GYPC: variants seen among roughly 807,000 people sequenced by gnomAD.
GYPC encodes the protein glycophorin-C.
Under a neutral mutation model 12.6 loss-of-function variants are expected in GYPC, and 14 were observed. That is an observed-to-expected ratio of 1.11 (90% CI 0.74 to 1.74). The LOEUF (loss-of-function observed/expected upper bound fraction) is 1.74. Ranked by LOEUF, GYPC falls within the 40% of genes most tolerant of loss-of-function variation. GYPC has a pLI of 0.00. For missense variants in GYPC, 225 were observed against 172.1 expected (o/e 1.31, Z -1.72); for synonymous variants, 78 against 62.1 (o/e 1.26, Z -1.20).
intron 1 of GYPC, chr2:126,686,320 A>G: frequency 1.0e-6 from 1 of 985,748 alleles, no homozygotes; most frequent in Non-Finnish European, 1.2e-6. Context: ...ACTGAAGCAG[A>G]GAGCACTGCC....
intron 1 of GYPC, among the ~76,000 whole-genome samples, chr2:126,676,947 A>G (rs943672106): frequency 5.9e-5 from 9 of 152,168 alleles, no homozygotes; most frequent in African/African-American, 1.9e-4. Flanking sequence ...TTGGAGGACA[A>G]AGGAGGGTTC....
At chr2:126,684,288 A>C (rs1004887529) in intron 1 of GYPC, among the ~76,000 whole-genome samples, 1 of 152,232 alleles carries the variant, frequency 6.6e-6, no homozygotes, top group African/African-American at 2.4e-5. Context: ...ACGAATGCAC[A>C]TGTGCTTTAT....
chr2:126,670,972 G>A (rs1307484108), intron 1 of GYPC, among the ~76,000 whole-genome samples: 5 of 152,146 alleles, frequency 3.3e-5, no homozygotes, highest in African/African-American at 1.2e-4. Context: ...ATAGACTCCT[G>A]ACTTTAACCA....
intron 1 of GYPC, among the ~76,000 whole-genome samples, chr2:126,659,749 A>ATAGGCATTT (rs1327516344): frequency 6.6e-6 from 1 of 150,472 alleles, no homozygotes; most frequent in Non-Finnish European, 1.5e-5. Context: ...ACCTGCTATG[A>ATAGGCATTT]TAGGCATTTT....
chr2:126,694,959 G>A (rs1369692388), intron 3 of GYPC, among the ~76,000 whole-genome samples: 5 of 152,086 alleles, frequency 3.3e-5, no homozygotes, highest in African/African-American at 1.2e-4. Context: ...AGTCCCAGCA[G>A]AAGTGAGGGG....
chr2:126,658,803 C>T (rs1682443948), intron 1 of GYPC: 1 of 152,058 alleles, frequency 6.6e-6, no homozygotes, highest in Admixed American at 6.6e-5. Flanking sequence ...ATCAGAATAT[C>T]TCTTAAAGGT....
chr2:126,665,879 C>T (rs1430003906), intron 1 of GYPC, among the ~76,000 whole-genome samples: 1 of 152,190 alleles, frequency 6.6e-6, no homozygotes, highest in African/African-American at 2.4e-5. Flanking sequence ...CCAGTGCTTC[C>T]CTGTGCATCA....
Position 126,696,202 on chromosome 2 carries a change from C to G in GYPC, c.*60C>G. On this transcript the variant is annotated 3_prime_UTR_variant, in exon 4 of 4. Coordinates refer to ENST00000259254, the MANE Select transcript of GYPC (RefSeq NM_002101.5). ...CCATCTCCATCAGGAAAAATACACC[C>G]CATCGCCCAGCACCCCTGCTGATAC... 1 of 1,240,062 alleles carries G rather than the reference C, an allele frequency of 8.1e-7. No homozygotes were observed. The highest frequency in any genetic ancestry group is 1.2e-5 in the South Asian group (1 of 81,016). The allele number at this position is 1,240,062 out of a possible 1,614,324, so 76.8% of individuals were successfully genotyped here. A position where few individuals can be genotyped will look rare whatever the true frequency, so the allele number is the denominator to read the frequency against.
intron 1 of GYPC, among the ~76,000 whole-genome samples, chr2:126,687,156 G>C (rs1039722068): frequency 6.6e-6 from 1 of 152,216 alleles, no homozygotes; most frequent in Non-Finnish European, 1.5e-5. Flanking sequence ...ACACTGGGGA[G>C]AAAGCTGAGA....
chr2:126,664,570 C>A (rs996784336), intron 1 of GYPC, among the ~76,000 whole-genome samples: 1 of 152,172 alleles, frequency 6.6e-6, no homozygotes, highest in African/African-American at 2.4e-5. Context: ...AGGAAATGAA[C>A]CTCTAAGATC....
rs890862043 is a variant in GYPC at position 126,656,367 on chromosome 2, C to T, written c.49+55C>T. ...GGGACCCACTGGAGGCCGCGGCCCG[C>T]AGCAGCCAGGGGCCGAGCCACGGCC... On this transcript the variant is annotated intron_variant, in intron 1 of 3. Transcript: ENST00000259254. 4 of 1,478,070 alleles carry T rather than the reference C, an allele frequency of 2.7e-6. No individual in the cohort carries two copies. The Admixed American group carries it at 5.8e-5, about 21-fold the overall frequency. The allele number at this position is 1,478,070 out of a possible 1,614,324, so 91.6% of individuals were successfully genotyped here.
At position 126,693,986 on chromosome 2, in the gene GYPC, G is replaced by A. The variant is rs201095719; in HGVS notation, c.190+39G>A. The A allele has an allele frequency of 3.7e-6, 5 of 1,363,436 alleles. 1 individual carries two copies. In the Admixed American group the frequency reaches 6.7e-5, roughly 18 times the overall value. 84.5% of individuals were successfully genotyped at this position (1,363,436 alleles called of 1,614,324 possible). The stretch of plus-strand genomic sequence containing the variant: ...ACAGAGCCCTTCAAGCAGCCAGGGT[G>A]GGGGGCCTTGGTGAAAACATCCAGG... On this transcript the variant is annotated intron_variant, in intron 3 of 3. Coordinates refer to ENST00000259254, the MANE Select transcript of GYPC (RefSeq NM_002101.5).
In GYPC at chr2:126,696,489, G is replaced by T. The variant is rs770845164; in HGVS notation, c.*347G>T. The T allele has an allele frequency of 8.2e-6, 3 of 364,522 alleles. No homozygotes were observed. Among genetic ancestry groups the T allele is most frequent in the Non-Finnish European group, 1.6e-5 (3 of 188,986 alleles). 22.6% of individuals were successfully genotyped at this position (364,522 alleles called of 1,614,324 possible). Reference sequence around the variant, plus strand: ...CCTTGTTGAGGGTGAGGGGGTGCTGGGGTACCCGGGGGCTGGGGAAGCAAG... The same window carrying T: ...CCTTGTTGAGGGTGAGGGGGTGCTGTGGTACCCGGGGGCTGGGGAAGCAAG... On this transcript the variant is annotated 3_prime_UTR_variant, in exon 4 of 4. Transcript: ENST00000259254.
In GYPC at chr2:126,663,007, C is replaced by T. The variant is rs113773602; in HGVS notation, c.49+6695C>T. 2.5e-3 allele frequency among the ~76,000 whole-genome samples: 377 copies of T among 152,164 alleles called. 2 individuals are homozygous for T. The highest frequency in any genetic ancestry group is 8.7e-3 in the African/African-American group (360 of 41,536). ...CACAGAGACCAGGGAAAGGCCCTCTCGCTCCCGATGCTGCTCCTTCATGGT... is the reference window on the plus strand; with the variant it reads ...CACAGAGACCAGGGAAAGGCCCTCTTGCTCCCGATGCTGCTCCTTCATGGT... On this transcript the variant is annotated intron_variant, in intron 1 of 3. Transcript: ENST00000259254.
intron 1 of GYPC, among the ~76,000 whole-genome samples, chr2:126,688,677 C>G (rs1683360976): frequency 6.6e-6 from 1 of 152,128 alleles, no homozygotes; most frequent in Non-Finnish European, 1.5e-5. Context: ...CACCTCCAAG[C>G]TCCTTGGTGG....
rs1288606901 is a variant in GYPC at position 126,696,174 on chromosome 2, C to A, written c.*32C>A. 2.5e-5 allele frequency: 38 copies of A among 1,500,058 alleles called. No individual in the cohort carries two copies. Among genetic ancestry groups the A allele is most frequent in the Non-Finnish European group, 3.1e-5 (33 of 1,078,016 alleles). The allele number at this position is 1,500,058 out of a possible 1,614,324, so 92.9% of individuals were successfully genotyped here. A position where few individuals can be genotyped will look rare whatever the true frequency, so the allele number is the denominator to read the frequency against. On this transcript the variant is annotated 3_prime_UTR_variant, in exon 4 of 4. Coordinates refer to ENST00000259254, the MANE Select transcript of GYPC (RefSeq NM_002101.5). The stretch of plus-strand genomic sequence containing the variant: ...ACAGACTTCACTTCCCTGAATGCCT[C>A]CCCCATCTCCATCAGGAAAAATACA...
At chr2:126,667,327 GTTAAATA>G (rs1682711441) in intron 1 of GYPC, among the ~76,000 whole-genome samples, 1 of 151,760 alleles carries the variant, frequency 6.6e-6, no homozygotes, top group Admixed American at 6.6e-5. Flanking sequence ...TACCCCAGCA[GTTAAATA>G]TTTGGGTCAG....
At chr2:126,693,087 A>G (rs36093834) in intron 2 of GYPC, among the ~76,000 whole-genome samples, 322 of 126,960 alleles carry the variant, frequency 2.5e-3, no homozygotes, top group African/African-American at 3.7e-3. Flanking sequence ...TTGAAATCTG[A>G]TTCCCAAGGT....
At chr2:126,681,497 A>G (rs1400567961) in intron 1 of GYPC, among the ~76,000 whole-genome samples, 1 of 152,228 alleles carries the variant, frequency 6.6e-6, no homozygotes, top group African/African-American at 2.4e-5. Context: ...ATCAATTCCT[A>G]GAAGTGGATT....
Sources: gnomAD v4.1 joint callset for allele counts (sites outside exome capture counted in the v4.1 genomes callset) on GRCh38, gnomAD v4.1.1 for gene constraint, MANE v1.5 for transcripts, NCBI Gene and HGNC (gene_info 2026-07-23, HGNC 2026-07-21) for gene names.